Variants in DLGAP1 observed in about 807,000 individuals in gnomAD.
The protein encoded by DLGAP1 is disks large-associated protein 1.
DLGAP1 carries 11 observed loss-of-function variants against 90.8 expected under a neutral mutation model. That is an observed-to-expected ratio of 0.12 (90% CI 0.08 to 0.20). The LOEUF (loss-of-function observed/expected upper bound fraction) is 0.20. Among genes scored for constraint, DLGAP1 ranks in the 10% least tolerant of loss-of-function variants. The pLI, the probability that DLGAP1 is intolerant of heterozygous loss-of-function variation, is 1.00. For synonymous variants in DLGAP1, 558 were observed against 540.7 expected (o/e 1.03, Z -0.44); for missense variants, 1,050 against 1,333.8 (o/e 0.79, Z 3.31).
At chr18:3,504,034 T>C (rs1478444753) in intron 11 of DLGAP1, among the ~76,000 whole-genome samples, 3 of 152,166 alleles carry the variant, frequency 2.0e-5, no homozygotes, top group African/African-American at 4.8e-5. Flanking sequence ...AGGCGGAGAT[T>C]GCAGTGAGCC....
chr18:3,724,372 C>T (rs1027690777), intron 7 of DLGAP1, among the ~76,000 whole-genome samples: 1 of 152,032 alleles, frequency 6.6e-6, no homozygotes, highest in South Asian at 2.1e-4. Context: ...GCAAATGAAC[C>T]TATTTACTCT....
intron 7 of DLGAP1, among the ~76,000 whole-genome samples, chr18:3,602,172 C>G (rs2057076816): frequency 6.6e-6 from 1 of 152,198 alleles, no homozygotes; most frequent in African/African-American, 2.4e-5. Context: ...TACTCTCACC[C>G]TTCATTCATT....
chr18:3,560,732 C>T (rs2054041371), intron 9 of DLGAP1, among the ~76,000 whole-genome samples: 1 of 150,768 alleles, frequency 6.6e-6, no homozygotes, highest in South Asian at 2.1e-4. Flanking sequence ...TTACTACTTT[C>T]TATTTTTTTG....
intron 2 of DLGAP1, among the ~76,000 whole-genome samples, chr18:4,143,967 C>T (rs1003202695): frequency 6.6e-6 from 1 of 152,110 alleles, no homozygotes; most frequent in Admixed American, 6.5e-5. Flanking sequence ...TGTGGTTGTG[C>T]TGGTATCTAA....
At chr18:3,895,094 C>T (rs2071582346) in intron 3 of DLGAP1, among the ~76,000 whole-genome samples, 1 of 152,198 alleles carries the variant, frequency 6.6e-6, no homozygotes, top group African/African-American at 2.4e-5. Context: ...GTGTGCTTAA[C>T]AGCTGCCTTT....
intron 12 of DLGAP1, chr18:3,502,141 G>C: frequency 1.8e-6 from 2 of 1,092,990 alleles, no homozygotes; most frequent in Non-Finnish European, 2.2e-6. Flanking sequence ...TTGAACTCTT[G>C]TTCTATGGAT....
intron 7 of DLGAP1, among the ~76,000 whole-genome samples, chr18:3,599,542 G>T (rs1156797821): frequency 6.6e-6 from 1 of 152,204 alleles, no homozygotes; most frequent in African/African-American, 2.4e-5. Flanking sequence ...CACCTGTGGA[G>T]GGTGGCAATG....
rs1198151023 is a variant in DLGAP1 at position 3,926,413 on chromosome 18, T to TAC, written c.-72-46274_-72-46273insGT. ...TGTAAGCAAATGACATATATATATA[T>TAC]ATATATATACACACACACACACACA... On this transcript the variant is annotated intron_variant, in intron 3 of 12. Coordinates refer to ENST00000315677, the MANE Select transcript of DLGAP1 (RefSeq NM_004746.4). Among the ~76,000 whole-genome samples the TAC allele has an allele frequency of 1.5e-3, 169 of 113,456 alleles. 2 individuals carry two copies. Among genetic ancestry groups the TAC allele is most frequent in the African/African-American group, 4.9e-3 (151 of 30,986 alleles). The allele number at this position is 113,456 out of a possible 152,430, so 74.4% of individuals were successfully genotyped here.
intron 1 of DLGAP1, among the ~76,000 whole-genome samples, chr18:4,232,328 T>C (rs2078316695): frequency 6.6e-6 from 1 of 152,168 alleles, no homozygotes. Context: ...TAAATGTGGC[T>C]AAAGGTATTC....
chr18:4,343,335 G>T (rs1214281746), intron 1 of DLGAP1, among the ~76,000 whole-genome samples: 1 of 151,114 alleles, frequency 6.6e-6, no homozygotes, highest in Admixed American at 6.6e-5. Flanking sequence ...TTTAGATTAT[G>T]GAACTAGGTT....
chr18:3,696,525 C>T (rs1257712150), intron 7 of DLGAP1, among the ~76,000 whole-genome samples: 2 of 152,172 alleles, frequency 1.3e-5, no homozygotes, highest in Non-Finnish European at 2.9e-5. Flanking sequence ...GTTGAACCAG[C>T]CTTACATCCC....
Position 3,659,442 on chromosome 18 carries a change from A to ACCC in DLGAP1, c.1591+69692_1591+69693insGGG, listed in dbSNP as rs1339165633. The stretch of plus-strand genomic sequence containing the variant: ...ACACACACACACACACACGGATGCT[A>ACCC]CCACCCCCCGCCGCCCCCACCCCCG... On this transcript the variant is annotated intron_variant, in intron 7 of 12. Coordinates refer to ENST00000315677, the MANE Select transcript of DLGAP1 (RefSeq NM_004746.4). 1.3e-3 allele frequency among the ~76,000 whole-genome samples: 127 copies of ACCC among 94,224 alleles called. 2 individuals carry two copies. The highest frequency in any genetic ancestry group is 0.012 in the Middle Eastern group (2 of 170). 61.8% of individuals were successfully genotyped at this position (94,224 alleles called of 152,430 possible). A position where few individuals can be genotyped will look rare whatever the true frequency, so the allele number is the denominator to read the frequency against.
At chr18:3,532,698 T>C (rs2052091910) in intron 10 of DLGAP1, among the ~76,000 whole-genome samples, 1 of 152,186 alleles carries the variant, frequency 6.6e-6, no homozygotes, top group Admixed American at 6.5e-5. Flanking sequence ...CACACAGACA[T>C]GAAGCAGGCA....
At chr18:3,573,990 C>G (rs1365877004) in intron 8 of DLGAP1, among the ~76,000 whole-genome samples, 2 of 152,206 alleles carry the variant, frequency 1.3e-5, no homozygotes, top group Admixed American at 6.5e-5. Flanking sequence ...GTGTGAGCCA[C>G]TGAGCCTGAC....
intron 1 of DLGAP1, among the ~76,000 whole-genome samples, chr18:4,220,161 C>A (rs1021138203): frequency 3.3e-5 from 5 of 152,022 alleles, no homozygotes; most frequent in African/African-American, 1.2e-4. Context: ...TTCATCAATG[C>A]TCTATAGTTT....
chr18:4,247,443 T>C (rs1442015221), intron 1 of DLGAP1, among the ~76,000 whole-genome samples: 1 of 152,182 alleles, frequency 6.6e-6, no homozygotes, highest in African/African-American at 2.4e-5. Context: ...ATATACTGCC[T>C]TATTTCTATG....
At chr18:3,587,656 C>T (rs1429578411) in intron 7 of DLGAP1, among the ~76,000 whole-genome samples, 1 of 152,202 alleles carries the variant, frequency 6.6e-6, no homozygotes, top group Non-Finnish European at 1.5e-5. Flanking sequence ...CACAATAAAT[C>T]TTGCTGCTGC....
intron 3 of DLGAP1, among the ~76,000 whole-genome samples, chr18:3,968,229 G>T (rs1300105509): frequency 6.6e-6 from 1 of 152,024 alleles, no homozygotes; most frequent in East Asian, 1.9e-4. Flanking sequence ...CTGACCCTTA[G>T]TATCTTTCCT....
In DLGAP1 at chr18:3,639,755, C is replaced by CTTT. The variant is rs58862252; in HGVS notation, c.1592-57510_1592-57508dup. Among the ~76,000 whole-genome samples the CTTT allele has an allele frequency of 9.3e-4, 110 of 118,298 alleles. 2 individuals carry two copies. Among genetic ancestry groups the CTTT allele is most frequent in the East Asian group, 7.4e-3 (31 of 4,214 alleles). 77.6% of individuals were successfully genotyped at this position (118,298 alleles called of 152,430 possible). On this transcript the variant is annotated intron_variant, in intron 7 of 12. Coordinates refer to ENST00000315677, the MANE Select transcript of DLGAP1 (RefSeq NM_004746.4). Reference sequence around the variant, plus strand: ...GTTCTCCTGCTACCTGCAGAGTTGCCTTTTTTTTTTTTTTTTTGAGACAGA... The same window carrying CTTT: ...GTTCTCCTGCTACCTGCAGAGTTGCCTTTTTTTTTTTTTTTTTTTTGAGACAGA...
Sources: gnomAD v4.1 joint callset for allele counts (sites outside exome capture counted in the v4.1 genomes callset) on GRCh38, gnomAD v4.1.1 for gene constraint, MANE v1.5 for transcripts, NCBI Gene and HGNC (gene_info 2026-07-23, HGNC 2026-07-21) for gene names.